The following HMCN1 variants were observed in gnomAD, a reference collection of about 807,000 sequenced individuals.
HMCN1 encodes hemicentin 1.
Under a neutral mutation model 625.9 loss-of-function variants are expected in HMCN1, and 321 were observed. The observed-to-expected ratio is 0.51, with a 90% CI of 0.47 to 0.56. The LOEUF (loss-of-function observed/expected upper bound fraction) is 0.56, where lower values mean the gene tolerates loss of function less well. Ranked by LOEUF, HMCN1 falls within the 20% of genes least tolerant of loss-of-function variation. The probability of loss-of-function intolerance (pLI) is 0.00; values close to 1 mark genes in which losing one functional copy is unlikely to be tolerated. For synonymous variants in HMCN1, 2,425 were observed against 2,417.6 expected, an observed-to-expected ratio of 1.00 and a Z score of -0.09; for missense variants, 6,588 against 6,887.3, an observed-to-expected ratio of 0.96 and a Z score of 1.54.
chr1:186,161,107 T>A (rs1283525365), intron 97 of HMCN1, among the ~76,000 whole-genome samples: 1 of 152,086 alleles, frequency 6.6e-6, no homozygotes, highest in Non-Finnish European at 1.5e-5. Flanking sequence ...GGTGCTCCTG[T>A]ATTGGGTGCA....
chr1:185,846,358 G>T (rs1661814264), intron 2 of HMCN1, among the ~76,000 whole-genome samples: 1 of 152,098 alleles, frequency 6.6e-6, no homozygotes. Context: ...GAGTAGTTGT[G>T]GCAGATTGGT....
intron 26 of HMCN1, among the ~76,000 whole-genome samples, chr1:186,000,984 CAT>C (rs1653157916): frequency 6.6e-6 from 1 of 151,962 alleles, no homozygotes; most frequent in Non-Finnish European, 1.5e-5. Context: ...TAGTGAGTCT[CAT>C]GTGACTTAAT....
At chr1:186,028,452 A>C (rs1251191030) in intron 36 of HMCN1, among the ~76,000 whole-genome samples, 1 of 152,166 alleles carries the variant, frequency 6.6e-6, no homozygotes, top group Non-Finnish European at 1.5e-5. Flanking sequence ...TTAACCTCAA[A>C]ATGAGAAAGA....
At chr1:185,952,015 A>G (rs1388664528) in intron 11 of HMCN1, among the ~76,000 whole-genome samples, 2 of 151,794 alleles carry the variant, frequency 1.3e-5, no homozygotes, top group Admixed American at 1.3e-4. Context: ...GTATTTTGAG[A>G]ATAAGACGGC....
chr1:185,989,198 G>A (rs1314128091), intron 20 of HMCN1, among the ~76,000 whole-genome samples: 4 of 151,614 alleles, frequency 2.6e-5, no homozygotes, highest in Admixed American at 6.6e-5. Flanking sequence ...TAGTAGGGAC[G>A]GGGTTTCACC....
chr1:185,751,368 T>G (rs1031107302), intron 1 of HMCN1, among the ~76,000 whole-genome samples: 1 of 152,130 alleles, frequency 6.6e-6, no homozygotes, highest in Non-Finnish European at 1.5e-5. Context: ...TGATGAAAAG[T>G]CTTCTCTTAG....
chr1:186,127,967 A>G (rs1661729196), intron 82 of HMCN1, 111 bp from the exon 83 acceptor site: 1 of 904,524 alleles, frequency 1.1e-6, no homozygotes, highest in East Asian at 2.6e-5. Context: ...GGAAATTTAA[A>G]TTGTCTTTGG....
intron 2 of HMCN1, among the ~76,000 whole-genome samples, chr1:185,855,373 A>G (rs1662402532): frequency 6.6e-6 from 1 of 152,184 alleles, no homozygotes; most frequent in African/African-American, 2.4e-5. Context: ...GAGAATACTG[A>G]GATATAATTT....
At chr1:185,792,644 C>T (rs1473941127) in intron 1 of HMCN1, among the ~76,000 whole-genome samples, 1 of 152,062 alleles carries the variant, frequency 6.6e-6, no homozygotes, top group Non-Finnish European at 1.5e-5. Flanking sequence ...AGTTAAAGCT[C>T]TAAAAGTGAT....
chr1:186,188,088 CTT>C, intron 106 of HMCN1, 79 bp downstream of exon 106: 1 of 1,535,980 alleles, frequency 6.5e-7, no homozygotes, highest in South Asian at 1.1e-5. Context: ...ACTTTAGTCT[CTT>C]GTCATGTGTA....
intron 4 of HMCN1, among the ~76,000 whole-genome samples, chr1:185,902,974 C>G (rs1451253109): frequency 6.6e-6 from 1 of 150,616 alleles, no homozygotes. Context: ...AACAAGCAAG[C>G]AAAAAACCCA....
At chr1:186,108,618 C>A in intron 71 of HMCN1, 21 bp downstream of exon 71, 6 of 1,613,872 alleles carry the variant, frequency 3.7e-6, no homozygotes, top group Non-Finnish European at 5.1e-6. Flanking sequence ...TGATAAGCTC[C>A]ACAAATTCCT....
chr1:185,909,646 T>A, intron 5 of HMCN1, 138 bp downstream of exon 5: 1 of 777,752 alleles, frequency 1.3e-6, no homozygotes, highest in Admixed American at 2.4e-5. Context: ...AGGAAGGTGT[T>A]TAAAAAATGT....
chr1:186,156,354 G>C (rs1651020097), intron 97 of HMCN1, among the ~76,000 whole-genome samples: 1 of 152,138 alleles, frequency 6.6e-6, no homozygotes, highest in Admixed American at 6.6e-5. Flanking sequence ...AAATCAGAAA[G>C]AGGCAAATAC....
At chr1:185,778,808 G>A (rs112859801) in intron 1 of HMCN1, among the ~76,000 whole-genome samples, 8,888 of 152,114 alleles carry the variant, frequency 0.058, 796 homozygotes, top group African/African-American at 0.2. Flanking sequence ...ATGCACATAC[G>A]TGTGCATGTG....
At chr1:186,149,440 T>C (rs1001587360) in intron 93 of HMCN1, among the ~76,000 whole-genome samples, 23 of 152,216 alleles carry the variant, frequency 1.5e-4, no homozygotes, top group African/African-American at 5.5e-4. Context: ...CCTCAAGCTT[T>C]GTGGAACTAA....
At chr1:186,010,911 T>A (rs1050199155) in intron 30 of HMCN1, among the ~76,000 whole-genome samples, 4 of 152,224 alleles carry the variant, frequency 2.6e-5, no homozygotes, top group East Asian at 1.9e-4. Flanking sequence ...ATAGTTTTTT[T>A]AAATTATAAA....
intron 11 of HMCN1, among the ~76,000 whole-genome samples, chr1:185,950,729 G>A (rs566882277): frequency 0.035 from 5,129 of 148,032 alleles, 124 homozygotes; most frequent in African/African-American, 0.086. Flanking sequence ...AAGTGAAAGC[G>A]AAGAGAGGCT....
chr1:186,053,039 G>T lies in HMCN1; in HGVS notation c.6665G>T (p.Gly2222Val), dbSNP rs772444918. Residue 2222 changes from glycine (G) to valine (V), a missense_variant, in exon 43 of 107, where the codon GGT (glycine) becomes GTT (valine). Physicochemically the swap from Gly to Val is moderately radical, Grantham distance 109. Transcript: ENST00000271588. ...ATTAGTCTGTTGTGTGAATCAAGTGGTATTCCACCCCCAAATCTCATCTGG... is the reference window on the plus strand; with the variant it reads ...ATTAGTCTGTTGTGTGAATCAAGTGTTATTCCACCCCCAAATCTCATCTGG... ...NLISLLCESS[G>V]IPPPNLIWKK... The T allele has an allele frequency of 1.9e-6, 3 of 1,610,278 alleles. No individual in the cohort carries two copies. The highest frequency in any genetic ancestry group is 2.5e-6 in the Non-Finnish European group (3 of 1,177,442).
Sources: allele counts gnomAD v4.1 joint callset (sites outside exome capture counted in the v4.1 genomes callset), GRCh38; gene constraint gnomAD v4.1.1; transcripts MANE v1.5; gene names NCBI Gene and HGNC (gene_info 2026-07-23, HGNC 2026-07-21).